B3GAT1: variants seen among roughly 807,000 people sequenced by gnomAD.
B3GAT1 encodes galactosylgalactosylxylosylprotein 3-beta-glucuronosyltransferase 1.
B3GAT1 carries 11 observed loss-of-function variants against 28.4 expected under a neutral mutation model. That is an observed-to-expected ratio of 0.39 (90% confidence interval 0.24 to 0.64). The LOEUF is 0.64. Among genes scored for constraint, B3GAT1 ranks in the 30% least tolerant of loss-of-function variants. The probability of loss-of-function intolerance (pLI) is 0.50; values close to 1 mark genes in which losing one functional copy is unlikely to be tolerated. For synonymous variants in B3GAT1, 255 were observed against 223.1 expected (o/e 1.14, Z -1.27); for missense variants, 375 against 491.0 (o/e 0.76, Z 2.23).
intron 1 of B3GAT1, among the ~76,000 whole-genome samples, chr11:134,395,454 G>A (rs566202405): frequency 8.5e-5 from 13 of 152,148 alleles, no homozygotes; most frequent in South Asian, 2.1e-4. Flanking sequence ...GAAGGCGTTC[G>A]GCAGGAATGT....
intron 1 of B3GAT1, among the ~76,000 whole-genome samples, chr11:134,404,033 A>ATATAT (rs1944681169): frequency 1.8e-5 from 2 of 110,836 alleles, no homozygotes; most frequent in Non-Finnish European, 3.6e-5. Context: ...ATATATATTT[A>ATATAT]TTATACGTTA....
chr11:134,388,606 A>G lies in B3GAT1; in HGVS notation c.-281-666T>C, dbSNP rs540163508. The G allele has an allele frequency of 2.0e-5, 3 of 152,510 alleles. No individual in the cohort carries two copies. The East Asian group carries it at 5.8e-4, about 30-fold the overall frequency. The allele number at this position is 152,510 out of a possible 1,614,324, so 9.4% of individuals were successfully genotyped here. A position where few individuals can be genotyped will look rare whatever the true frequency, so the allele number is the denominator to read the frequency against. On this transcript the variant is annotated intron_variant, in intron 1 of 5. Transcript: ENST00000312527. ...CATAGTACCCAACAGGGCGTTTTTC[A>G]GCCGTTCTTCCTTTGAGAGTCCTCA... is the stretch of plus-strand genomic sequence containing the variant.
Position 134,384,154 on chromosome 11 carries a change from G to C in B3GAT1, c.147C>G (p.Pro49=). The change falls in exon 3 of 6, where the codon CCC becomes CCG. Residue 49 remains proline (P), a synonymous_variant. Transcript: ENST00000312527. ...TGCAGTACTCCCTGGGGTCGGCGCCGGGCGGCGTTTCGCGTCGGGGGTCAC... is the reference window on the plus strand; with the variant it reads ...TGCAGTACTCCCTGGGGTCGGCGCCCGGCGGCGTTTCGCGTCGGGGGTCAC... ...EGSDPRRETP[P]GADPREYCTS... is the part of the protein sequence containing the mutation. The C allele has an allele frequency of 6.4e-7, 1 of 1,559,236 alleles. No individual in the cohort carries two copies. Among genetic ancestry groups the C allele is most frequent in the Non-Finnish European group, 8.7e-7 (1 of 1,152,468 alleles).
chr11:134,386,649 T>C (rs1163418032), intron 2 of B3GAT1: 1 of 152,124 alleles, frequency 6.6e-6, no homozygotes, highest in Non-Finnish European at 1.5e-5. Flanking sequence ...AGGCAAACAA[T>C]ATACTCTCTG....
In B3GAT1 at chr11:134,393,274, G is replaced by A. The variant is rs1435063531; in HGVS notation, c.-281-5334C>T. ...CCATACATTTCAATGTAAGTAACTC[G>A]CAGAGCCAGTTGTCCCATAGATGAT... On this transcript the variant is annotated intron_variant, in intron 1 of 5. Transcript: ENST00000312527. The surrounding 1 kb of genome is among the most constrained non-coding windows in gnomAD (Gnocchi z 4.0). Among the ~76,000 whole-genome samples, 7 of 152,258 alleles carry A rather than the reference G, an allele frequency of 4.6e-5. No homozygotes were observed. Among genetic ancestry groups the A allele is most frequent in the South Asian group, 2.1e-4 (1 of 4,824 alleles).
intron 1 of B3GAT1, among the ~76,000 whole-genome samples, chr11:134,397,668 AG>A (rs965119116): frequency 3.3e-5 from 5 of 152,204 alleles, no homozygotes; most frequent in African/African-American, 1.2e-4. Flanking sequence ...GTCCAGAGCC[AG>A]GGAGAGGGTT....
chr11:134,381,656 G>A, intron 5 of B3GAT1: 1 of 432,590 alleles, frequency 2.3e-6, no homozygotes, highest in Non-Finnish European at 4.2e-6. Context: ...GTCACTGCCA[G>A]CAGAAAAATC....
At position 134,394,167 on chromosome 11, in the gene B3GAT1, C is replaced by T. The variant is rs560808001; in HGVS notation, c.-281-6227G>A. On this transcript the variant is annotated intron_variant, in intron 1 of 5. Coordinates refer to ENST00000312527, the MANE Select transcript of B3GAT1 (RefSeq NM_054025.3). ...CCTGCTCCTCCTTTGCCCTGGTCAC[C>T]GACTGCAGAGGGCTGGGGAGGGGCC... Among the ~76,000 whole-genome samples, 23 of 152,312 alleles carry T rather than the reference C, an allele frequency of 1.5e-4. No individual in the cohort carries two copies. The South Asian group carries it at 4.1e-3, about 27-fold the overall frequency.
chr11:134,390,838 C>T (rs1004689213), intron 1 of B3GAT1: 2 of 152,288 alleles, frequency 1.3e-5, no homozygotes, highest in African/African-American at 4.8e-5. Context: ...TCCCAGGCCT[C>T]CAAGCCTCTC....
At chr11:134,406,196 A>T (rs560350272) in intron 1 of B3GAT1, among the ~76,000 whole-genome samples, 77 of 152,286 alleles carry the variant, frequency 5.1e-4, no homozygotes, top group Admixed American at 8.5e-4. Context: ...CAGACCAGGG[A>T]GGGGTGAGCC....
In B3GAT1 at chr11:134,383,959, G is replaced by A. The variant is rs762511036; in HGVS notation, c.342C>T (p.Asn114=). ...RMANTLLHVP[N]LHWLVVEDAP... ...CATCCTCCACCACCAGCCAGTGGAGGTTGGGCACGTGCAGCAGCGTGTTGG... is the reference window on the plus strand; with the variant it reads ...CATCCTCCACCACCAGCCAGTGGAGATTGGGCACGTGCAGCAGCGTGTTGG... The change falls in exon 3 of 6, where the codon AAC becomes AAT. Residue 114 remains asparagine, a synonymous_variant. Transcript: ENST00000312527. 1.6e-5 allele frequency: 26 copies of A among 1,600,128 alleles called. No individual in the cohort carries two copies. In the Middle Eastern group the frequency reaches 5.0e-4, roughly 31 times the overall value.
At chr11:134,405,617 C>G (rs970645529) in intron 1 of B3GAT1, among the ~76,000 whole-genome samples, 1 of 152,176 alleles carries the variant, frequency 6.6e-6, no homozygotes, top group Non-Finnish European at 1.5e-5. Context: ...GCCCCGACCC[C>G]GGGGGTGGCA....
At chr11:134,395,169 TGAC>T (rs1944479925) in intron 1 of B3GAT1, among the ~76,000 whole-genome samples, 1 of 151,958 alleles carries the variant, frequency 6.6e-6, no homozygotes, top group African/African-American at 2.4e-5. Context: ...CTTCACCGTG[TGAC>T]GACATCACTT....
rs1466472937 is a variant in B3GAT1 at position 134,411,670 on chromosome 11, G to GCGCACA, written c.-282+136_-282+137insTGTGCG. On this transcript the variant is annotated intron_variant, in intron 1 of 5. Coordinates refer to ENST00000312527, the MANE Select transcript of B3GAT1 (RefSeq NM_054025.3). This position sits in a 1 kb window ranked among gnomAD's most constrained non-coding sequence, Gnocchi z 6.0. The stretch of plus-strand genomic sequence containing the variant: ...TCCAGCTGCCCCCAGCGCGCGCAGC[G>GCGCACA]CACACACACACACACACACACACAC... 8 of 144,730 alleles carry GCGCACA rather than the reference G, an allele frequency of 5.5e-5. No homozygotes were observed. Among genetic ancestry groups the GCGCACA allele is most frequent in the African/African-American group, 2.0e-4 (8 of 39,690 alleles). 9.0% of individuals were successfully genotyped at this position (144,730 alleles called of 1,614,324 possible).
intron 1 of B3GAT1, among the ~76,000 whole-genome samples, chr11:134,406,844 C>T (rs1490951074): frequency 6.6e-6 from 1 of 152,116 alleles, no homozygotes; most frequent in Non-Finnish European, 1.5e-5. Flanking sequence ...TAGGACCTGG[C>T]ACTTAGCCAC....
At position 134,411,083 on chromosome 11, in the gene B3GAT1, G is replaced by A. The variant is rs1234735951; in HGVS notation, c.-282+724C>T. 6.6e-6 allele frequency among the ~76,000 whole-genome samples: 1 copy of A among 152,184 alleles called. No homozygotes were observed. The highest frequency in any genetic ancestry group is 2.4e-5 in the African/African-American group (1 of 41,428). ...GTTCTTGACCTTAGCTGCTTGGTACGGGGCTGTCACCTCCTTACCCTGGCA... is the reference window on the plus strand; with the variant it reads ...GTTCTTGACCTTAGCTGCTTGGTACAGGGCTGTCACCTCCTTACCCTGGCA... On this transcript the variant is annotated intron_variant, in intron 1 of 5. Coordinates refer to ENST00000312527, the MANE Select transcript of B3GAT1 (RefSeq NM_054025.3). The surrounding 1 kb of genome is among the most constrained non-coding windows in gnomAD (Gnocchi z 6.0).
In B3GAT1 at chr11:134,395,485, G is replaced by A. The variant is rs79393633; in HGVS notation, c.-281-7545C>T. 7.2e-5 allele frequency among the ~76,000 whole-genome samples: 11 copies of A among 152,168 alleles called. No homozygotes were observed. In the East Asian group the frequency reaches 2.1e-3, roughly 30 times the overall value. ...AATGTGCTAACCATGACCGGACGAT[G>A]GTGCACAGAGCACCACTTGGCCACT... On this transcript the variant is annotated intron_variant, in intron 1 of 5. Transcript: ENST00000312527.
intron 1 of B3GAT1, among the ~76,000 whole-genome samples, chr11:134,409,051 T>G (rs1473119915): frequency 6.6e-6 from 1 of 152,000 alleles, no homozygotes; most frequent in African/African-American, 2.4e-5. Flanking sequence ...AGCAAGGGGG[T>G]GAGGGTGTAT....
intron 1 of B3GAT1, among the ~76,000 whole-genome samples, chr11:134,410,665 C>T (rs986745116): frequency 9.9e-5 from 15 of 152,144 alleles, no homozygotes; most frequent in African/African-American, 3.6e-4. Flanking sequence ...AGAGGTAGGG[C>T]GACATAAGCA....
Sources: gnomAD v4.1 joint callset for allele counts (sites outside exome capture counted in the v4.1 genomes callset) on GRCh38, gnomAD v4.1.1 for gene constraint, Gnocchi (gnomAD v3.1) non-coding constraint, MANE v1.5 for transcripts, NCBI Gene and HGNC (gene_info 2026-07-23, HGNC 2026-07-21) for gene names.